The following FGGY variants were observed in gnomAD, a reference collection of about 807,000 sequenced individuals.
FGGY encodes FGGY carbohydrate kinase domain-containing protein.
A neutral mutation model predicts 71.3 loss-of-function variants in FGGY; 72 were observed. That is an observed-to-expected ratio of 1.01 (90% CI 0.84 to 1.23). FGGY has a LOEUF of 1.23. Ranked by LOEUF, FGGY falls within the 50% of genes most tolerant of loss-of-function variation. FGGY has a pLI of 0.00. For missense variants in FGGY, 668 were observed against 682.3 expected (o/e 0.98, Z 0.23); for synonymous variants, 251 against 250.3 (o/e 1.00, Z -0.02).
At chr1:59,412,145 ACT>A (rs1353478574) in intron 5 of FGGY, among the ~76,000 whole-genome samples, 1 of 151,978 alleles carries the variant, frequency 6.6e-6, no homozygotes, top group Admixed American at 6.5e-5. Context: ...GTTTGCATAG[ACT>A]CTGAAAAACT....
intron 4 of FGGY, among the ~76,000 whole-genome samples, chr1:59,372,686 C>T (rs893368815): frequency 6.6e-6 from 1 of 152,114 alleles, no homozygotes; most frequent in Non-Finnish European, 1.5e-5. Context: ...CTGAATCCAG[C>T]ACCACATCAA....
chr1:59,410,843 A>G (rs1330801720), intron 5 of FGGY, among the ~76,000 whole-genome samples: 1 of 152,224 alleles, frequency 6.6e-6, no homozygotes, highest in Non-Finnish European at 1.5e-5. Context: ...TGTAATGTAT[A>G]TATAAGGTTA....
At chr1:59,659,657 A>G (rs1038852644) in intron 11 of FGGY, among the ~76,000 whole-genome samples, 1 of 152,200 alleles carries the variant, frequency 6.6e-6, no homozygotes, top group Admixed American at 6.5e-5. Context: ...TCTCTCAGAG[A>G]TTGACATACT....
chr1:59,443,340 C>T (rs889923009), intron 5 of FGGY, among the ~76,000 whole-genome samples: 11 of 152,180 alleles, frequency 7.2e-5, no homozygotes, highest in Admixed American at 2.0e-4. Flanking sequence ...GACACTATTT[C>T]AGTCTGCTCT....
intron 5 of FGGY, among the ~76,000 whole-genome samples, chr1:59,425,652 C>T (rs1291985924): frequency 2.0e-5 from 3 of 152,224 alleles, no homozygotes; most frequent in Non-Finnish European, 2.9e-5. Context: ...TCATGATTCT[C>T]GCCTCTGTCT....
chr1:59,328,541 T>C (rs986894393), intron 2 of FGGY, among the ~76,000 whole-genome samples: 1 of 152,216 alleles, frequency 6.6e-6, no homozygotes. Context: ...TAAGACTGTT[T>C]CACTTTCTTA....
chr1:59,660,368 A>G (rs1405570262), intron 12 of FGGY, 75 bp downstream of exon 12: 3 of 1,068,902 alleles, frequency 2.8e-6, no homozygotes, highest in Admixed American at 4.1e-5. Context: ...TCCCCAAGAT[A>G]CAGCACATGC....
At chr1:59,567,824 C>A (rs1241004974) in intron 8 of FGGY, among the ~76,000 whole-genome samples, 1 of 150,808 alleles carries the variant, frequency 6.6e-6, no homozygotes, top group Non-Finnish European at 1.5e-5. Flanking sequence ...GTTTCATTCT[C>A]CTGATAAAAA....
chr1:59,477,727 G>A (rs1569584553), intron 6 of FGGY, among the ~76,000 whole-genome samples: 2 of 152,288 alleles, frequency 1.3e-5, no homozygotes, highest in African/African-American at 4.8e-5. Context: ...TTACTTCAGA[G>A]GCTACTTAAG....
At chr1:59,641,148 T>C in intron 11 of FGGY, 1 of 645,980 alleles carries the variant, frequency 1.5e-6, no homozygotes, top group African/African-American at 1.9e-5. Flanking sequence ...TGTGCAGTAT[T>C]CTAGAGGGAA....
chr1:59,603,612 T>G (rs895688696), intron 8 of FGGY, among the ~76,000 whole-genome samples: 1 of 152,228 alleles, frequency 6.6e-6, no homozygotes, highest in Non-Finnish European at 1.5e-5. Context: ...AAAGGCTACC[T>G]TACGTAAGAT....
At chr1:59,352,513 CCT>C (rs1266424199) in intron 4 of FGGY, among the ~76,000 whole-genome samples, 4 of 152,146 alleles carry the variant, frequency 2.6e-5, no homozygotes, top group African/African-American at 9.7e-5. Context: ...TTCTCTCTCC[CCT>C]GTCTGTGCCC....
At chr1:59,642,625 CAAAAA>C (rs1250512969) in intron 11 of FGGY, among the ~76,000 whole-genome samples, 3 of 57,630 alleles carry the variant, frequency 5.2e-5, no homozygotes, top group Admixed American at 1.9e-4. Context: ...GACTCCGTCT[CAAAAA>C]AAAAAAAAAA....
chr1:59,749,274 T>TG (rs374020347), intron 14 of FGGY, among the ~76,000 whole-genome samples: 1 of 152,072 alleles, frequency 6.6e-6, no homozygotes, highest in African/African-American at 2.4e-5. Flanking sequence ...TATCAAGCCT[T>TG]GGGGGGTGGA....
chr1:59,388,773 A>G (rs1188486293), intron 5 of FGGY, among the ~76,000 whole-genome samples: 4 of 152,088 alleles, frequency 2.6e-5, no homozygotes, highest in Admixed American at 2.6e-4. Context: ...ATTAATTTTA[A>G]TAATACATAT....
intron 8 of FGGY, among the ~76,000 whole-genome samples, chr1:59,586,498 G>A (rs1355894257): frequency 6.6e-6 from 1 of 152,064 alleles, no homozygotes; most frequent in Admixed American, 6.6e-5. Context: ...CACACACCGG[G>A]GCCTGTGGTG....
At chr1:59,592,892 A>T (rs991780545) in intron 8 of FGGY, among the ~76,000 whole-genome samples, 1 of 152,338 alleles carries the variant, frequency 6.6e-6, no homozygotes, top group African/African-American at 2.4e-5. Flanking sequence ...ATATATAACT[A>T]ACCGGCACAT....
At chr1:59,728,183 G>A (rs1026428306) in intron 14 of FGGY, among the ~76,000 whole-genome samples, 1 of 151,682 alleles carries the variant, frequency 6.6e-6, no homozygotes, top group Admixed American at 6.6e-5. Context: ...TCCTCTCTTA[G>A]CATATCAATT....
chr1:59,583,587 G>A (rs1417776686), intron 8 of FGGY, among the ~76,000 whole-genome samples: 1 of 142,234 alleles, frequency 7.0e-6, no homozygotes, highest in Non-Finnish European at 1.5e-5. Context: ...CATTGAAATG[G>A]ACTGCGCATG....
Sources: gnomAD v4.1 joint callset for allele counts (sites outside exome capture counted in the v4.1 genomes callset) on GRCh38, gnomAD v4.1.1 for gene constraint, MANE v1.5 for transcripts, NCBI Gene and HGNC (gene_info 2026-07-23, HGNC 2026-07-21) for gene names.